TFEC: variants seen among roughly 807,000 people sequenced by gnomAD.
TFEC encodes class E basic helix-loop-helix protein 34.
Under a neutral mutation model 41.6 loss-of-function variants are expected in TFEC, and 31 were observed. The ratio of observed to expected loss-of-function variants is 0.74; its 90% CI spans 0.56 to 1.01. The LOEUF (loss-of-function observed/expected upper bound fraction) is 1.01. TFEC is among the 50% of genes least tolerant of loss of function. The pLI, the probability that TFEC is intolerant of heterozygous loss-of-function variation, is 0.00. For missense variants in TFEC, 402 were observed against 404.1 expected (o/e 0.99, Z 0.04); for synonymous variants, 143 against 140.6 (o/e 1.02, Z -0.12).
chr7:116,096,818 G>A (rs889635533), intron 3 of TFEC, among the ~76,000 whole-genome samples: 2 of 152,052 alleles, frequency 1.3e-5, no homozygotes, highest in African/African-American at 2.4e-5. Context: ...TAGGCTGGGC[G>A]CTGTGGCTCA....
At chr7:116,026,371 T>C (rs1426846101) in intron 1 of TFEC, among the ~76,000 whole-genome samples, 1 of 152,226 alleles carries the variant, frequency 6.6e-6, no homozygotes, top group African/African-American at 2.4e-5. Flanking sequence ...AATTCATATA[T>C]ACTTTCATTG....
At chr7:116,146,473 T>A (rs1435319810) in intron 1 of TFEC, among the ~76,000 whole-genome samples, 1 of 152,224 alleles carries the variant, frequency 6.6e-6, no homozygotes, top group East Asian at 1.9e-4. Context: ...TTTAATGATC[T>A]TCAATTCCTA....
intron 1 of TFEC, among the ~76,000 whole-genome samples, chr7:115,987,517 G>A (rs960161675): frequency 1.3e-5 from 2 of 152,196 alleles, no homozygotes; most frequent in Non-Finnish European, 2.9e-5. Flanking sequence ...AAGACACAGT[G>A]TTTGAGTATC....
chr7:115,941,102 T>C (rs1793472429), intron 7 of TFEC, 171 bp from the exon 8 acceptor site: 1 of 673,584 alleles, frequency 1.5e-6, no homozygotes, highest in Admixed American at 3.5e-5. Context: ...TTCTGATGCA[T>C]GAAAAATAAC....
At chr7:116,098,275 T>G (rs1007767068) in intron 3 of TFEC, among the ~76,000 whole-genome samples, 5 of 152,142 alleles carry the variant, frequency 3.3e-5, no homozygotes, top group Non-Finnish European at 7.3e-5. Flanking sequence ...TTCTCCTGCC[T>G]CAGTCTCCCG....
At chr7:116,059,131 T>A (rs995750446) in intron 3 of TFEC, among the ~76,000 whole-genome samples, 56 of 151,702 alleles carry the variant, frequency 3.7e-4, no homozygotes, top group African/African-American at 1.3e-3. Context: ...AGCAAGATCA[T>A]AAAGAGAGGG....
At position 116,119,845 on chromosome 7, in the gene TFEC, T is replaced by A. The variant is rs559091843; in HGVS notation, c.-68-7807A>T. 3.3e-3 allele frequency among the ~76,000 whole-genome samples: 494 copies of A among 151,820 alleles called. 5 individuals are homozygous for A. Among genetic ancestry groups the A allele is most frequent in the African/African-American group, 0.011 (477 of 41,492 alleles). On this transcript the variant is annotated intron_variant, in intron 1 of 8. Transcript: ENST00000484212. Reference sequence around the variant, plus strand: ...TTTGAAATACTTCTCCCAAAAGGAATTTAAACAGTGGAAACTATATAAATC... The same window carrying A: ...TTTGAAATACTTCTCCCAAAAGGAAATTAAACAGTGGAAACTATATAAATC...
chr7:116,003,373 T>C (rs1022598283), intron 1 of TFEC, among the ~76,000 whole-genome samples: 2 of 151,978 alleles, frequency 1.3e-5, no homozygotes, highest in African/African-American at 4.8e-5. Context: ...CACAGCAAGG[T>C]AAGTGATTAG....
intron 3 of TFEC, among the ~76,000 whole-genome samples, chr7:116,093,316 C>G (rs181447397): frequency 6.6e-6 from 1 of 151,824 alleles, no homozygotes; most frequent in African/African-American, 2.4e-5. Flanking sequence ...ATTTTAAAAA[C>G]GAGAACAAAT....
intron 1 of TFEC, among the ~76,000 whole-genome samples, chr7:115,985,899 C>T (rs890991143): frequency 2.0e-5 from 3 of 152,046 alleles, no homozygotes; most frequent in South Asian, 2.1e-4. Context: ...ATGAAATATA[C>T]ATTATGAAGA....
intron 3 of TFEC, among the ~76,000 whole-genome samples, chr7:116,096,636 G>A (rs775927672): frequency 1.2e-4 from 18 of 151,466 alleles, no homozygotes; most frequent in Non-Finnish European, 1.8e-4. Flanking sequence ...TATCTGTCCC[G>A]ATATTTTGTG....
chr7:116,071,204 T>C (rs1480716305), intron 3 of TFEC, among the ~76,000 whole-genome samples: 1 of 151,288 alleles, frequency 6.6e-6, no homozygotes, highest in African/African-American at 2.4e-5. Flanking sequence ...AAGAAAAATA[T>C]TCTTGACACA....
intron 3 of TFEC, among the ~76,000 whole-genome samples, chr7:116,092,625 T>G (rs1797354957): frequency 6.6e-6 from 1 of 152,198 alleles, no homozygotes. Flanking sequence ...CTTCTTTTGA[T>G]GTTGTTCTAA....
chr7:116,025,879 C>A (rs6972100), intron 1 of TFEC, among the ~76,000 whole-genome samples: 18,976 of 152,106 alleles, frequency 0.12, 1,720 homozygotes, highest in East Asian at 0.39. Context: ...GCCAAAGGTA[C>A]AACTATTTTG....
intron 3 of TFEC, among the ~76,000 whole-genome samples, chr7:116,058,389 T>C (rs1796477125): frequency 8.0e-6 from 1 of 125,266 alleles, no homozygotes; most frequent in Admixed American, 8.5e-5. Context: ...ACAAACTATA[T>C]AGAATCAGAA....
chr7:115,950,243 C>T (rs1791862049), intron 6 of TFEC, among the ~76,000 whole-genome samples: 1 of 152,026 alleles, frequency 6.6e-6, no homozygotes, highest in Non-Finnish European at 1.5e-5. Flanking sequence ...AACTCCTGAC[C>T]TCAAGTGATC....
chr7:115,941,139 T>G (rs765770003), intron 7 of TFEC: 197 of 534,278 alleles, frequency 3.7e-4, no homozygotes, highest in Non-Finnish European at 5.7e-4. Flanking sequence ...AGACTTTTTT[T>G]TAAGTTTGGT....
intron 3 of TFEC, among the ~76,000 whole-genome samples, chr7:115,971,430 C>T (rs781723872): frequency 7.2e-5 from 11 of 151,822 alleles, no homozygotes; most frequent in Non-Finnish European, 1.3e-4. Context: ...ATATAAGCAG[C>T]ATTTCTTTCC....
chr7:115,945,643 G>T (rs1294853511), intron 6 of TFEC, among the ~76,000 whole-genome samples: 1 of 151,670 alleles, frequency 6.6e-6, no homozygotes, highest in Non-Finnish European at 1.5e-5. Context: ...TTTTCCATTA[G>T]ACCCCAAATA....
Sources: allele counts gnomAD v4.1 joint callset (sites outside exome capture counted in the v4.1 genomes callset), GRCh38; gene constraint gnomAD v4.1.1; transcripts MANE v1.5; gene names NCBI Gene and HGNC (gene_info 2026-07-23, HGNC 2026-07-21).